TYW1: variants seen among roughly 807,000 people sequenced by gnomAD.
TYW1 encodes the protein S-adenosyl-L-methionine-dependent tRNA 4-demethylwyosine synthase TYW1.
A neutral mutation model predicts 96.2 loss-of-function variants in TYW1; 46 were observed. That is an observed-to-expected ratio of 0.48 (90% CI 0.38 to 0.61). TYW1 has a LOEUF of 0.61. TYW1 is among the 20% of genes least tolerant of loss of function. The probability of loss-of-function intolerance (pLI) is 0.00; values close to 1 mark genes in which losing one functional copy is unlikely to be tolerated. For synonymous variants in TYW1, 274 were observed against 323.0 expected, an observed-to-expected ratio of 0.85 and a Z score of 1.63; for missense variants, 684 against 909.6, an observed-to-expected ratio of 0.75 and a Z score of 3.19.
intron 13 of TYW1, among the ~76,000 whole-genome samples, chr7:67,130,704 T>G (rs920045821): frequency 6.6e-6 from 1 of 151,680 alleles, no homozygotes; most frequent in Non-Finnish European, 1.5e-5. Flanking sequence ...GAAGTAAATA[T>G]AACACTCCAA....
intron 6 of TYW1, among the ~76,000 whole-genome samples, chr7:67,022,549 G>C (rs1459923606): frequency 2.0e-5 from 3 of 152,176 alleles, no homozygotes; most frequent in Non-Finnish European, 4.4e-5. Flanking sequence ...TGCATCAGGA[G>C]ATCCTAATAC....
intron 10 of TYW1, among the ~76,000 whole-genome samples, chr7:67,071,183 A>C (rs1380671656): frequency 4.0e-5 from 6 of 151,574 alleles, no homozygotes; most frequent in Non-Finnish European, 7.4e-5. Context: ...TTAACTCTGG[A>C]AGTCAGATTT....
intron 14 of TYW1, among the ~76,000 whole-genome samples, chr7:67,192,148 A>G (rs528298776): frequency 2.6e-4 from 40 of 152,192 alleles, no homozygotes; most frequent in Admixed American, 9.2e-4. Flanking sequence ...TGCCCGCCTC[A>G]GCCTCCCAAA....
chr7:67,217,678 T>C (rs1801242986), intron 15 of TYW1, among the ~76,000 whole-genome samples: 1 of 152,024 alleles, frequency 6.6e-6, no homozygotes, highest in African/African-American at 2.4e-5. Flanking sequence ...AATCAGGGAG[T>C]GTGAGTCCTC....
At chr7:67,133,161 C>T (rs1043602140) in intron 13 of TYW1, among the ~76,000 whole-genome samples, 1 of 152,090 alleles carries the variant, frequency 6.6e-6, no homozygotes, top group Non-Finnish European at 1.5e-5. Context: ...TTTTTTGAGA[C>T]AGGATCTTGC....
At chr7:67,094,596 G>A (rs898642836) in intron 11 of TYW1, among the ~76,000 whole-genome samples, 2 of 151,002 alleles carry the variant, frequency 1.3e-5, no homozygotes, top group Non-Finnish European at 2.9e-5. Context: ...TTTTTTTCAC[G>A]TAACTTACAC....
intron 13 of TYW1, among the ~76,000 whole-genome samples, chr7:67,159,030 C>T (rs557375387): frequency 1.6e-4 from 24 of 152,260 alleles, no homozygotes; most frequent in Admixed American, 1.2e-3. Flanking sequence ...TTGATTTCTG[C>T]TCTGACTTTT....
At chr7:67,147,652 C>T (rs1483827725) in intron 13 of TYW1, among the ~76,000 whole-genome samples, 3 of 152,046 alleles carry the variant, frequency 2.0e-5, no homozygotes, top group Admixed American at 2.0e-4. Flanking sequence ...ATTTAGCTAC[C>T]ACTTATAAGT....
intron 15 of TYW1, among the ~76,000 whole-genome samples, chr7:67,226,505 A>T (rs1801563648): frequency 6.6e-6 from 1 of 152,136 alleles, no homozygotes; most frequent in South Asian, 2.1e-4. Context: ...GCTCAAGAGG[A>T]CATCTTCAGT....
chr7:67,098,548 G>C lies in TYW1; in HGVS notation c.1392G>C (p.Pro464=). 6.4e-7 allele frequency: 1 copy of C among 1,573,166 alleles called. No individual in the cohort carries two copies. The highest frequency in any genetic ancestry group is 8.7e-7 in the Non-Finnish European group (1 of 1,154,674). Residue 464 remains proline, a synonymous_variant, in exon 12 of 16, where the codon CCG becomes CCC. Coordinates refer to ENST00000359626, the MANE Select transcript of TYW1 (RefSeq NM_018264.4). ...QNMIKQFKGV[P]GVKAERFEEG... The stretch of plus-strand genomic sequence containing the variant: ...TCTCACTGTATTCTCCAGGAGTACC[G>C]GGCGTCAAAGCAGAACGCTTTGAAG...
At chr7:67,068,916 T>C (rs1191220341) in intron 10 of TYW1, among the ~76,000 whole-genome samples, 1 of 152,232 alleles carries the variant, frequency 6.6e-6, no homozygotes, top group Non-Finnish European at 1.5e-5. Flanking sequence ...ATTTCTTCTC[T>C]TTTTCTCAAA....
chr7:67,127,808 G>A (rs1362523922), intron 13 of TYW1, among the ~76,000 whole-genome samples: 1 of 151,856 alleles, frequency 6.6e-6, no homozygotes, highest in Non-Finnish European at 1.5e-5. Flanking sequence ...AGTGTTGAAG[G>A]ACATTTTCAT....
intron 14 of TYW1, among the ~76,000 whole-genome samples, chr7:67,184,634 TTTATTTTATTTTATTTATGTTATG>T (rs1799948944): frequency 1.6e-5 from 1 of 61,732 alleles, no homozygotes; most frequent in Non-Finnish European, 3.1e-5. Flanking sequence ...TTTATTTTAT[TTTATTTTATTTTATTTATGTTATG>T]TTATGTTATG....
At chr7:67,157,451 A>G (rs1799018597) in intron 13 of TYW1, among the ~76,000 whole-genome samples, 1 of 151,940 alleles carries the variant, frequency 6.6e-6, no homozygotes, top group African/African-American at 2.4e-5. Context: ...ATGCCTGGCT[A>G]ATGTTTGTAT....
At position 67,233,294 on chromosome 7, in the gene TYW1, A is replaced by G. The variant is rs796608448; in HGVS notation, c.1978-5014A>G. Reference sequence around the variant, plus strand: ...ATGTGTTTAATCTACCATCTTTAATAGAATCTTTTTAAACATTTACACTAA... The same window carrying G: ...ATGTGTTTAATCTACCATCTTTAATGGAATCTTTTTAAACATTTACACTAA... On this transcript the variant is annotated intron_variant, in intron 15 of 15. Transcript: ENST00000359626. Among the ~76,000 whole-genome samples the G allele has an allele frequency of 5.9e-5, 8 of 136,492 alleles. 1 individual carries two copies. Among genetic ancestry groups the G allele is most frequent in the South Asian group, 4.9e-4 (2 of 4,110 alleles). 89.5% of individuals were successfully genotyped at this position (136,492 alleles called of 152,430 possible). A position where few individuals can be genotyped will look rare whatever the true frequency, so the allele number is the denominator to read the frequency against.
At chr7:67,043,206 C>G (rs185169717) in intron 7 of TYW1, among the ~76,000 whole-genome samples, 17 of 152,288 alleles carry the variant, frequency 1.1e-4, no homozygotes, top group Admixed American at 1.1e-3. Flanking sequence ...GTCTGTGTCA[C>G]TCCTCTTGGC....
At chr7:67,207,684 T>C (rs66496147) in intron 15 of TYW1, among the ~76,000 whole-genome samples, 1,714 of 88,324 alleles carry the variant, frequency 0.019, 10 homozygotes, top group Middle Eastern at 0.044. Flanking sequence ...TGTTTGCCTT[T>C]TTTTTTTTTG....
chr7:67,101,149 C>G (rs866561506), intron 12 of TYW1, among the ~76,000 whole-genome samples: 19 of 152,144 alleles, frequency 1.2e-4, no homozygotes, highest in Admixed American at 9.2e-4. Flanking sequence ...GCTGCCCTAT[C>G]TTAGTGCACC....
rs544482897 is a variant in TYW1, at chr7:67,071,178, T to G, written c.1274+3775T>G. ...ATTTTGATTATTAGAATGTGTTAAC[T>G]CTGGAAGTCAGATTTTTCTCACTCT... On this transcript the variant is annotated intron_variant, in intron 10 of 15. Transcript: ENST00000359626. Among the ~76,000 whole-genome samples the G allele has an allele frequency of 2.0e-5, 3 of 152,178 alleles. No individual in the cohort carries two copies. The East Asian group carries it at 5.8e-4, about 29-fold the overall frequency.
Sources: allele counts gnomAD v4.1 joint callset (sites outside exome capture counted in the v4.1 genomes callset), GRCh38; gene constraint gnomAD v4.1.1; transcripts MANE v1.5; gene names NCBI Gene and HGNC (gene_info 2026-07-23, HGNC 2026-07-21).